CNTNAP2: variants seen among roughly 807,000 people sequenced by gnomAD.
CNTNAP2 encodes contactin-associated protein-like 2.
In CNTNAP2, 98 loss-of-function variants were observed where a neutral mutation model predicts 155.2. The ratio of observed to expected loss-of-function variants is 0.63; its 90% CI spans 0.54 to 0.75. The LOEUF is 0.75. Among genes scored for constraint, CNTNAP2 ranks in the 30% least tolerant of loss-of-function variants. The pLI is 0.00. For missense variants in CNTNAP2, 1,727 were observed against 1,688.1 expected, an observed-to-expected ratio of 1.02 and a Z score of -0.40; for synonymous variants, 651 against 631.2, an observed-to-expected ratio of 1.03 and a Z score of -0.47.
chr7:146,386,244 A>G (rs1795458765), intron 1 of CNTNAP2, among the ~76,000 whole-genome samples: 1 of 152,014 alleles, frequency 6.6e-6, no homozygotes, highest in East Asian at 1.9e-4. Context: ...CCTCCCCTCC[A>G]TTTGTCCCAT....
chr7:147,490,785 G>A (rs891575194), intron 11 of CNTNAP2, among the ~76,000 whole-genome samples: 1 of 152,112 alleles, frequency 6.6e-6, no homozygotes, highest in African/African-American at 2.4e-5. Flanking sequence ...AAAGAAAAGG[G>A]GTTTGACTCA....
At chr7:148,285,286 A>G (rs187212355) in intron 21 of CNTNAP2, among the ~76,000 whole-genome samples, 9 of 152,362 alleles carry the variant, frequency 5.9e-5, no homozygotes, top group Admixed American at 1.3e-4. Flanking sequence ...ATAATCTTCT[A>G]AAAGAAGTGT....
chr7:146,256,885 T>G (rs1486548910), intron 1 of CNTNAP2, among the ~76,000 whole-genome samples: 2 of 152,326 alleles, frequency 1.3e-5, no homozygotes, highest in East Asian at 1.9e-4. Flanking sequence ...TTTTCCCTAC[T>G]ACATCTCTAA....
intron 13 of CNTNAP2, among the ~76,000 whole-genome samples, chr7:147,729,163 A>G (rs1796694228): frequency 6.6e-6 from 1 of 151,666 alleles, no homozygotes; most frequent in South Asian, 2.1e-4. Flanking sequence ...CTTGAACTCC[A>G]GAGCTCAAGT....
intron 8 of CNTNAP2, among the ~76,000 whole-genome samples, chr7:147,273,856 A>G (rs1250342741): frequency 2.7e-5 from 4 of 147,612 alleles, no homozygotes; most frequent in Non-Finnish European, 6.0e-5. Flanking sequence ...ACATATATAA[A>G]TATATATGTA....
chr7:146,232,061 G>A (rs802550), intron 1 of CNTNAP2, among the ~76,000 whole-genome samples: 104,551 of 151,902 alleles, frequency 0.69, 37,184 homozygotes, highest in East Asian at 0.94. Flanking sequence ...GAGGCTGGCT[G>A]ACTATCTCTC....
intron 1 of CNTNAP2, among the ~76,000 whole-genome samples, chr7:146,378,396 G>GTGATGA (rs150135089): frequency 6.6e-6 from 1 of 151,746 alleles, no homozygotes; most frequent in Non-Finnish European, 1.5e-5. Context: ...GATGATGATG[G>GTGATGA]TGATGATGAT....
chr7:147,895,225 C>T (rs1291653066), intron 13 of CNTNAP2, among the ~76,000 whole-genome samples: 2 of 151,818 alleles, frequency 1.3e-5, no homozygotes, highest in Admixed American at 6.6e-5. Context: ...CCTCCCACCT[C>T]GGCCTCCTAA....
intron 8 of CNTNAP2, among the ~76,000 whole-genome samples, chr7:147,201,061 C>T (rs1017032191): frequency 6.6e-6 from 1 of 152,146 alleles, no homozygotes; most frequent in Non-Finnish European, 1.5e-5. Flanking sequence ...GGGATGTTTA[C>T]ATTCAGTGGA....
chr7:147,218,441 A>G (rs182541477), intron 8 of CNTNAP2, among the ~76,000 whole-genome samples: 2 of 151,904 alleles, frequency 1.3e-5, no homozygotes, highest in Admixed American at 6.5e-5. Context: ...ATGTATTTTA[A>G]TCTCCAAAAT....
At chr7:147,044,138 ACTTG>A (rs1799311748) in intron 4 of CNTNAP2, 84 bp downstream of exon 4, 5 of 1,502,532 alleles carry the variant, frequency 3.3e-6, no homozygotes, top group Non-Finnish European at 4.6e-6. Flanking sequence ...ATTTAACATT[ACTTG>A]CTTTCTCTGA....
chr7:147,780,412 T>A (rs571704089), intron 13 of CNTNAP2, among the ~76,000 whole-genome samples: 12 of 152,218 alleles, frequency 7.9e-5, no homozygotes, highest in African/African-American at 2.4e-4. Context: ...AGGTTTTTTT[T>A]AAAGTTTTAA....
intron 9 of CNTNAP2, among the ~76,000 whole-genome samples, chr7:147,377,080 A>G (rs1461723243): frequency 1.3e-5 from 2 of 151,764 alleles, no homozygotes; most frequent in African/African-American, 4.8e-5. Context: ...ATTTCTTAAT[A>G]TATTTCTACC....
rs536650622 is a variant in CNTNAP2 at position 146,666,067 on chromosome 7, G to C, written c.98-108204G>C. On this transcript the variant is annotated intron_variant, in intron 1 of 23. Coordinates refer to ENST00000361727, the MANE Select transcript of CNTNAP2 (RefSeq NM_014141.6). ...GATTATTAACTATAATCATCCTAAAGTGGTATAGAACACTAGAACTTATTC... is the reference window on the plus strand; with the variant it reads ...GATTATTAACTATAATCATCCTAAACTGGTATAGAACACTAGAACTTATTC... Among the ~76,000 whole-genome samples the C allele has an allele frequency of 3.9e-5, 6 of 152,068 alleles. No individual in the cohort carries two copies. In the South Asian group the frequency reaches 8.3e-4, roughly 21 times the overall value.
intron 1 of CNTNAP2, among the ~76,000 whole-genome samples, chr7:146,572,264 C>CTTTTT (rs71165015): frequency 7.9e-6 from 1 of 126,216 alleles, no homozygotes; most frequent in Admixed American, 8.0e-5. Context: ...TTTCTGTTGT[C>CTTTTT]TTTTTTTTTT....
intron 1 of CNTNAP2, among the ~76,000 whole-genome samples, chr7:146,242,347 G>A (rs971479581): frequency 6.6e-6 from 1 of 152,080 alleles, no homozygotes; most frequent in African/African-American, 2.4e-5. Context: ...AGACCAGCCT[G>A]GCCAACATGG....
chr7:148,342,143 C>T (rs1042166174), intron 21 of CNTNAP2, among the ~76,000 whole-genome samples: 1 of 152,242 alleles, frequency 6.6e-6, no homozygotes, highest in Non-Finnish European at 1.5e-5. Context: ...CCCTTCTACT[C>T]TCTGCTGCGG....
chr7:147,330,675 T>C (rs563044198), intron 9 of CNTNAP2, among the ~76,000 whole-genome samples: 8 of 152,302 alleles, frequency 5.3e-5, no homozygotes, highest in African/African-American at 1.9e-4. Context: ...ATCCTTCTTT[T>C]TGCCATCCTA....
At chr7:146,768,452 A>T (rs1802236588) in intron 1 of CNTNAP2, among the ~76,000 whole-genome samples, 1 of 151,780 alleles carries the variant, frequency 6.6e-6, no homozygotes, top group Admixed American at 6.6e-5. Flanking sequence ...TATTGCATTA[A>T]CTAATGACCC....
Sources: gnomAD v4.1 joint callset for allele counts (sites outside exome capture counted in the v4.1 genomes callset) on GRCh38, gnomAD v4.1.1 for gene constraint, MANE v1.5 for transcripts, NCBI Gene and HGNC (gene_info 2026-07-23, HGNC 2026-07-21) for gene names.